The following PDE4A variants were observed in gnomAD, a reference collection of about 807,000 sequenced individuals.
PDE4A encodes phosphodiesterase 4A.
A neutral mutation model predicts 73.9 loss-of-function variants in PDE4A; 21 were observed. That is an observed-to-expected ratio of 0.28 (90% CI 0.20 to 0.41). The LOEUF is 0.41. Ranked by LOEUF, PDE4A falls within the 10% of genes least tolerant of loss-of-function variation. The pLI, the probability that PDE4A is intolerant of heterozygous loss-of-function variation, is 1.00. For synonymous variants in PDE4A, 463 were observed against 505.4 expected (o/e 0.92, Z 1.13); for missense variants, 958 against 1,211.4 (o/e 0.79, Z 3.10).
chr19:10,466,444 CAAA>C (rs367836712), intron 14 of PDE4A, among the ~76,000 whole-genome samples: 3 of 63,476 alleles, frequency 4.7e-5, no homozygotes, highest in Non-Finnish European at 5.9e-5. Flanking sequence ...GACTCCGTCT[CAAA>C]AAAAAAAAAA....
chr19:10,436,961 C>G (rs964263438), intron 1 of PDE4A, among the ~76,000 whole-genome samples: 1 of 152,112 alleles, frequency 6.6e-6, no homozygotes, highest in Non-Finnish European at 1.5e-5. Flanking sequence ...ATTGCTTGAG[C>G]CCGGCAGCAG....
At chr19:10,439,981 C>G (rs972824250) in intron 1 of PDE4A, among the ~76,000 whole-genome samples, 4 of 112,264 alleles carry the variant, frequency 3.6e-5, no homozygotes, top group Non-Finnish European at 7.4e-5. Context: ...CATGGTATCT[C>G]CTTTTTTTTT....
At position 10,448,898 on chromosome 19, in the gene PDE4A, C is replaced by A; in HGVS notation, c.513-19C>A. 1 of 1,613,826 alleles carries A rather than the reference C, an allele frequency of 6.2e-7. No homozygotes were observed. The highest frequency in any genetic ancestry group is 8.5e-7 in the Non-Finnish European group (1 of 1,179,866). The stretch of plus-strand genomic sequence containing the variant: ...TGCTTCTCTGCGGACCCCTGACCTG[C>A]CTCTGTCCTCAATCACAGGCACGCT... On this transcript the variant is annotated intron_variant, in intron 2 of 14. Transcript: ENST00000380702.
chr19:10,467,408 T>C lies in PDE4A; in HGVS notation c.2448T>C (p.Leu816=). 6.2e-7 allele frequency: 1 copy of C among 1,614,020 alleles called. No homozygotes were observed. The highest frequency in any genetic ancestry group is 8.5e-7 in the Non-Finnish European group (1 of 1,179,936). ...VSHSSPSALA[L]QSPLLPAWRT... is the part of the protein sequence containing the mutation. ...ACAGCAGCCCCTCTGCCCTGGCTCT[T>C]CAAAGCCCCCTTCTCCCTGCTTGGA... Residue 816 remains leucine (L), a synonymous_variant, in exon 15 of 15, where the codon CTT becomes CTC. Coordinates refer to ENST00000380702, the MANE Select transcript of PDE4A (RefSeq NM_001111307.2).
chr19:10,425,270 G>A (rs1261843110), intron 1 of PDE4A, among the ~76,000 whole-genome samples: 3 of 151,930 alleles, frequency 2.0e-5, no homozygotes, highest in Non-Finnish European at 2.9e-5. Flanking sequence ...ACTGCAGACC[G>A]CTGGGTAACA....
intron 1 of PDE4A, 40 bp downstream of exon 1, chr19:10,421,124 C>T: frequency 3.0e-6 from 4 of 1,345,454 alleles, no homozygotes; most frequent in Non-Finnish European, 3.8e-6. Flanking sequence ...AACGGATGGG[C>T]GCGCAGGGAG....
chr19:10,457,457 G>C (rs1401754456), intron 7 of PDE4A, among the ~76,000 whole-genome samples: 1 of 142,834 alleles, frequency 7.0e-6, no homozygotes, highest in African/African-American at 2.6e-5. Context: ...CAGGGACATG[G>C]AGCCAGAGAC....
In PDE4A at chr19:10,468,198, C is replaced by G. The variant is rs201925419; in HGVS notation, c.*577C>G. On this transcript the variant is annotated 3_prime_UTR_variant, in exon 15 of 15. Transcript: ENST00000380702. The stretch of plus-strand genomic sequence containing the variant: ...TGTGGGAGGTCCCAGCTCCAGCCCC[C>G]CTCTGGTTTGCTGCCTCCTCTCCCC... 2.3e-4 allele frequency: 35 copies of G among 152,702 alleles called. No individual in the cohort carries two copies. The highest frequency in any genetic ancestry group is 4.3e-4 in the Non-Finnish European group (29 of 68,104). The allele number at this position is 152,702 out of a possible 1,614,324, so 9.5% of individuals were successfully genotyped here.
At chr19:10,449,027 C>G in intron 3 of PDE4A, 53 bp from the exon 4 acceptor site, 3 of 1,611,018 alleles carry the variant, frequency 1.9e-6, no homozygotes, top group Non-Finnish European at 2.5e-6. Context: ...CAGGGCCCAG[C>G]CCCGCTGCCT....
intron 7 of PDE4A, among the ~76,000 whole-genome samples, chr19:10,455,685 G>A (rs1387375368): frequency 2.0e-5 from 3 of 151,436 alleles, no homozygotes; most frequent in Non-Finnish European, 2.9e-5. Context: ...ACTTGAACCC[G>A]GGAGGCAGAG....
chr19:10,440,746 A>G lies in PDE4A; in HGVS notation c.321-5472A>G, dbSNP rs182075286. 3.4e-3 allele frequency among the ~76,000 whole-genome samples: 518 copies of G among 152,152 alleles called. 2 individuals carry two copies. The highest frequency in any genetic ancestry group is 0.012 in the African/African-American group (502 of 41,536). On this transcript the variant is annotated intron_variant, in intron 1 of 14. Coordinates refer to ENST00000380702, the MANE Select transcript of PDE4A (RefSeq NM_001111307.2). ...CCCCAGTAGCTGGGATTACAGGCACATGGCACCACGCCCGGCTAATTTTTG... is the reference window on the plus strand; with the variant it reads ...CCCCAGTAGCTGGGATTACAGGCACGTGGCACCACGCCCGGCTAATTTTTG...
In PDE4A at chr19:10,467,106, G is replaced by C. The variant is rs1163962882; in HGVS notation, c.2146G>C (p.Glu716Gln). ...KFQFELTLEEEEEEEISMAQI... is the reference protein window; with the variant it reads ...KFQFELTLEEQEEEEISMAQI... ...CCAGTTTGAGCTGACGCTGGAGGAGGAAGAGGAGGAAGAAATATCAATGGC... is the reference window on the plus strand; with the variant it reads ...CCAGTTTGAGCTGACGCTGGAGGAGCAAGAGGAGGAAGAAATATCAATGGC... Residue 716 changes from glutamate (E) to glutamine (Q), a missense_variant, in exon 15 of 15, where the codon GAA (glutamate) becomes CAA (glutamine). Glu to Gln is a conservative substitution (Grantham distance 29). Coordinates refer to ENST00000380702, the MANE Select transcript of PDE4A (RefSeq NM_001111307.2). 1 of 1,614,168 alleles carries C rather than the reference G, an allele frequency of 6.2e-7. No individual in the cohort carries two copies. The highest frequency in any genetic ancestry group is 8.5e-7 in the Non-Finnish European group (1 of 1,180,040).
rs150462320 is a variant in PDE4A, at chr19:10,444,821, C to T, written c.321-1397C>T. Among the ~76,000 whole-genome samples the T allele has an allele frequency of 4.4e-3, 663 of 152,090 alleles. 2 individuals carry two copies. The highest frequency in any genetic ancestry group is 7.3e-3 in the Non-Finnish European group (496 of 67,990). ...CCAAGTAGCTGGGATTACAGGCATC[C>T]ACCACCACGCCTGGCTAATTTTTGT... On this transcript the variant is annotated intron_variant, in intron 1 of 14. Transcript: ENST00000380702.
chr19:10,421,712 T>G (rs1298037953), intron 1 of PDE4A, among the ~76,000 whole-genome samples: 1 of 152,066 alleles, frequency 6.6e-6, no homozygotes, highest in Non-Finnish European at 1.5e-5. Context: ...AAGTAGCTGT[T>G]CAGAGGCAGG....
chr19:10,454,461 A>T (rs1307823674), intron 6 of PDE4A, among the ~76,000 whole-genome samples: 1 of 152,104 alleles, frequency 6.6e-6, no homozygotes, highest in African/African-American at 2.4e-5. Flanking sequence ...GTTGCTAAGG[A>T]GACTCCCATC....
At chr19:10,456,202 G>A (rs2043167673) in intron 7 of PDE4A, among the ~76,000 whole-genome samples, 1 of 151,880 alleles carries the variant, frequency 6.6e-6, no homozygotes, top group Non-Finnish European at 1.5e-5. Context: ...ACCAGCCTGG[G>A]CAACATAGTG....
intron 1 of PDE4A, among the ~76,000 whole-genome samples, chr19:10,438,865 C>T (rs1156256090): frequency 6.6e-6 from 1 of 152,160 alleles, no homozygotes; most frequent in African/African-American, 2.4e-5. Context: ...CTCATCCTAC[C>T]AAAGTGCTGG....
At position 10,446,299 on chromosome 19, in the gene PDE4A, C is replaced by A. The variant is rs201856534; in HGVS notation, c.402C>A (p.His134Gln). 3.2e-5 allele frequency: 51 copies of A among 1,611,302 alleles called. No homozygotes were observed. Among genetic ancestry groups the A allele is most frequent in the Non-Finnish European group, 4.1e-5 (48 of 1,178,844 alleles). The change falls in exon 2 of 15, where the codon CAC becomes CAA. Residue 134 changes from histidine to glutamine, a missense_variant. By Grantham distance (24) the His-to-Gln change is conservative. This residue lies in a region of PDE4A where 570 missense variants were observed against 827.7 expected (regional missense o/e 0.69). Coordinates refer to ENST00000380702, the MANE Select transcript of PDE4A (RefSeq NM_001111307.2). ...AGGCGAGCCCAGGACTCGTGCTGCA[C>A]GCCGGGGCGGCCACCAGCCAGCGCC... is the stretch of plus-strand genomic sequence containing the variant. ...DSQASPGLVLHAGAATSQRRE... is the reference protein window; with the variant it reads ...DSQASPGLVLQAGAATSQRRE...
intron 1 of PDE4A, among the ~76,000 whole-genome samples, chr19:10,442,766 A>T (rs1045422936): frequency 7.4e-5 from 11 of 148,922 alleles, no homozygotes; most frequent in African/African-American, 2.7e-4. Context: ...ACATATTACC[A>T]TATTACTATT....
Sources: gnomAD v4.1 joint callset for allele counts (sites outside exome capture counted in the v4.1 genomes callset) on GRCh38, gnomAD v4.1.1 for gene constraint, gnomAD v4.1.1 regional missense constraint, MANE v1.5 for transcripts, NCBI Gene and HGNC (gene_info 2026-07-23, HGNC 2026-07-21) for gene names.